The following CDK8 variants were observed in gnomAD, a reference collection of about 807,000 sequenced individuals.
CDK8 encodes the protein cyclin dependent kinase 8, also known as cyclin-dependent kinase 8.
In CDK8, 29 loss-of-function variants were observed where a neutral mutation model predicts 71.5. The observed-to-expected ratio is 0.41, with a 90% confidence interval of 0.30 to 0.55. The LOEUF (loss-of-function observed/expected upper bound fraction) is 0.55, where lower values mean the gene tolerates loss of function less well. Ranked by LOEUF, CDK8 falls within the 20% of genes least tolerant of loss-of-function variation. The pLI, the probability that CDK8 is intolerant of heterozygous loss-of-function variation, is 0.37. For missense variants in CDK8, 288 were observed against 572.6 expected (o/e 0.50, Z 5.07); for synonymous variants, 161 against 192.1 (o/e 0.84, Z 1.34).
intron 1 of CDK8, among the ~76,000 whole-genome samples, chr13:26,294,358 G>A (rs9553784): frequency 0.41 from 62,188 of 151,970 alleles, 14,429 homozygotes; most frequent in Non-Finnish European, 0.52. Context: ...TCTGTATCTT[G>A]GCTATTGTGA....
chr13:26,283,469 G>T (rs544567818), intron 1 of CDK8, among the ~76,000 whole-genome samples: 7 of 152,118 alleles, frequency 4.6e-5, no homozygotes, highest in Non-Finnish European at 2.9e-5. Context: ...TTAGCTGGGC[G>T]TGGTGGCACG....
chr13:26,368,440 A>T (rs1874494765), intron 4 of CDK8, among the ~76,000 whole-genome samples: 1 of 152,178 alleles, frequency 6.6e-6, no homozygotes, highest in Non-Finnish European at 1.5e-5. Flanking sequence ...GTACAGTATA[A>T]TGTCTTTTTA....
At chr13:26,384,454 T>C (rs765652267) in intron 5 of CDK8, among the ~76,000 whole-genome samples, 3 of 152,134 alleles carry the variant, frequency 2.0e-5, no homozygotes, top group Non-Finnish European at 4.4e-5. Context: ...GGGATAGATA[T>C]GAAAGAGACG....
chr13:26,318,728 C>T (rs371429503), intron 1 of CDK8, among the ~76,000 whole-genome samples: 2 of 151,962 alleles, frequency 1.3e-5, no homozygotes, highest in African/African-American at 2.4e-5. Flanking sequence ...TCTCAATTGA[C>T]GCAGAAAAAA....
chr13:26,291,118 C>CAAA lies in CDK8; in HGVS notation c.128+36363_128+36365dup, dbSNP rs11448258. ...TGGGTGACAGAGTGAGCCTCCATCTCAAAAAAAAAAAAAAAATTCTGCATG... is the reference window on the plus strand; with the variant it reads ...TGGGTGACAGAGTGAGCCTCCATCTCAAAAAAAAAAAAAAAAAAATTCTGCATG... On this transcript the variant is annotated intron_variant, in intron 1 of 12. Transcript: ENST00000381527. Among the ~76,000 whole-genome samples, 1,040 of 139,430 alleles carry CAAA rather than the reference C, an allele frequency of 7.5e-3. 8 individuals are homozygous for CAAA. Among genetic ancestry groups the CAAA allele is most frequent in the African/African-American group, 0.014 (489 of 36,010 alleles). The allele number at this position is 139,430 out of a possible 152,430, so 91.5% of individuals were successfully genotyped here. A position where few individuals can be genotyped will look rare whatever the true frequency, so the allele number is the denominator to read the frequency against.
At chr13:26,292,039 A>G (rs1184412793) in intron 1 of CDK8, among the ~76,000 whole-genome samples, 1 of 152,262 alleles carries the variant, frequency 6.6e-6, no homozygotes. Context: ...CACACATCAG[A>G]TTCATACATT....
chr13:26,386,773 C>T (rs1875498251), intron 6 of CDK8, among the ~76,000 whole-genome samples: 1 of 152,188 alleles, frequency 6.6e-6, no homozygotes, highest in South Asian at 2.1e-4. Flanking sequence ...GATGACACCC[C>T]TCCATTGCCT....
chr13:26,382,925 G>C, intron 5 of CDK8, 54 bp downstream of exon 5: 1 of 1,165,312 alleles, frequency 8.6e-7, no homozygotes, highest in Non-Finnish European at 1.2e-6. Context: ...AACTTTTGCA[G>C]GCAGCTATAT....
rs546672763 is a variant in CDK8 at position 26,377,782 on chromosome 13, G to C, written c.457-5032G>C. On this transcript the variant is annotated intron_variant, in intron 4 of 12. Coordinates refer to ENST00000381527, the MANE Select transcript of CDK8 (RefSeq NM_001260.3). ...TAAAACAGTTTGTAAAACTTACTGA[G>C]TATGTGTCTATTTAAGACTTTGCTG... Among the ~76,000 whole-genome samples the C allele has an allele frequency of 1.2e-3, 165 of 138,184 alleles. 1 individual carries two copies. Among genetic ancestry groups the C allele is most frequent in the African/African-American group, 3.9e-3 (159 of 40,706 alleles). The allele number at this position is 138,184 out of a possible 152,430, so 90.7% of individuals were successfully genotyped here.
chr13:26,312,397 A>G lies in CDK8; in HGVS notation c.129-25170A>G, dbSNP rs577640994. The stretch of plus-strand genomic sequence containing the variant: ...CACTCTTTGGGTCTGTACTACCTTT[A>G]TGAGCTGTAACACTCACCGTGAGGG... On this transcript the variant is annotated intron_variant, in intron 1 of 12. Coordinates refer to ENST00000381527, the MANE Select transcript of CDK8 (RefSeq NM_001260.3). Among the ~76,000 whole-genome samples the G allele has an allele frequency of 3.9e-5, 6 of 152,258 alleles. No individual in the cohort carries two copies. In the East Asian group the frequency reaches 5.8e-4, roughly 15 times the overall value.
At chr13:26,355,068 G>A (rs1001711450) in intron 4 of CDK8, among the ~76,000 whole-genome samples, 2 of 152,122 alleles carry the variant, frequency 1.3e-5, no homozygotes, top group African/African-American at 4.8e-5. Flanking sequence ...CTGGTCTCTC[G>A]CAAAGATGTT....
chr13:26,340,496 G>T (rs979180686), intron 2 of CDK8, among the ~76,000 whole-genome samples: 2 of 151,958 alleles, frequency 1.3e-5, no homozygotes, highest in Non-Finnish European at 2.9e-5. Context: ...GGTACGTAGG[G>T]GTTTTTTTTA....
chr13:26,339,747 T>TAAAA (rs759709011), intron 2 of CDK8, among the ~76,000 whole-genome samples: 3 of 29,880 alleles, frequency 1.0e-4, no homozygotes, highest in African/African-American at 2.0e-4. Context: ...TATAATTACT[T>TAAAA]AAAAAAAAAA....
intron 1 of CDK8, among the ~76,000 whole-genome samples, chr13:26,275,434 G>A (rs1872524387): frequency 1.3e-5 from 2 of 152,104 alleles, no homozygotes; most frequent in South Asian, 4.1e-4. Flanking sequence ...GCCTTGTAGT[G>A]TTTTTCATAT....
intron 1 of CDK8, among the ~76,000 whole-genome samples, chr13:26,282,564 A>T (rs763939108): frequency 3.9e-5 from 6 of 152,236 alleles, no homozygotes; most frequent in Non-Finnish European, 8.8e-5. Context: ...TGCTAAAAGG[A>T]GTTCTAAATG....
intron 1 of CDK8, among the ~76,000 whole-genome samples, chr13:26,323,205 G>A (rs1874860698): frequency 6.6e-6 from 1 of 151,988 alleles, no homozygotes; most frequent in South Asian, 2.1e-4. Context: ...TCCCAGTTCT[G>A]GAAGTTGTAA....
intron 4 of CDK8, among the ~76,000 whole-genome samples, chr13:26,363,142 A>G (rs1020052951): frequency 2.0e-5 from 3 of 150,608 alleles, no homozygotes; most frequent in Non-Finnish European, 4.4e-5. Context: ...TAACACGGTG[A>G]AACCCCATCT....
At chr13:26,395,225 C>T (rs888283097) in intron 7 of CDK8, among the ~76,000 whole-genome samples, 9 of 152,086 alleles carry the variant, frequency 5.9e-5, no homozygotes, top group Non-Finnish European at 7.4e-5. Flanking sequence ...CCGCGGTGGG[C>T]GGATCACCTG....
At chr13:26,385,042 G>C (rs980409199) in intron 5 of CDK8, among the ~76,000 whole-genome samples, 169 bp from the exon 6 acceptor site, 25 of 152,224 alleles carry the variant, frequency 1.6e-4, no homozygotes, top group African/African-American at 5.3e-4. Flanking sequence ...AGAGAATGGA[G>C]CTTTCAAACT....
Sources: allele counts gnomAD v4.1 joint callset (sites outside exome capture counted in the v4.1 genomes callset), GRCh38; gene constraint gnomAD v4.1.1; transcripts MANE v1.5; gene names NCBI Gene and HGNC (gene_info 2026-07-23, HGNC 2026-07-21).